The following KLHL29 variants were observed in gnomAD, a reference collection of about 807,000 sequenced individuals.
KLHL29 encodes kelch-like protein 29.
KLHL29 carries 21 observed loss-of-function variants against 80.4 expected under a neutral mutation model. The ratio of observed to expected loss-of-function variants is 0.26; its 90% CI spans 0.19 to 0.38. The LOEUF (loss-of-function observed/expected upper bound fraction) is 0.38. Among genes scored for constraint, KLHL29 ranks in the 10% least tolerant of loss-of-function variants. The pLI is 1.00. For synonymous variants in KLHL29, 511 were observed against 526.8 expected (o/e 0.97, Z 0.41); for missense variants, 867 against 1,223.9 (o/e 0.71, Z 4.35).
intron 2 of KLHL29, among the ~76,000 whole-genome samples, chr2:23,526,634 G>A (rs1666329093): frequency 6.6e-6 from 1 of 152,174 alleles, no homozygotes; most frequent in Non-Finnish European, 1.5e-5. Flanking sequence ...TGGTCATAGA[G>A]CAGCAGCAGC....
rs1668373141 is a variant in KLHL29, at chr2:23,595,505, C to T, written c.285+33024C>T. Among the ~76,000 whole-genome samples the T allele has an allele frequency of 2.6e-5, 4 of 152,364 alleles. No individual in the cohort carries two copies. In the South Asian group the frequency reaches 8.3e-4, roughly 32 times the overall value. On this transcript the variant is annotated intron_variant, in intron 3 of 13. Transcript: ENST00000486442. ...GGCTTGGGAAGGTGGGCAGATGTCTCTGCACAGGCCTGGGGCTGGACACTG... is the reference window on the plus strand; with the variant it reads ...GGCTTGGGAAGGTGGGCAGATGTCTTTGCACAGGCCTGGGGCTGGACACTG...
intron 3 of KLHL29, among the ~76,000 whole-genome samples, chr2:23,624,494 C>A (rs866568721): frequency 2.0e-5 from 3 of 152,208 alleles, no homozygotes; most frequent in African/African-American, 4.8e-5. Context: ...TTGCCCCTCA[C>A]TATCTGTATC....
At chr2:23,419,498 G>A (rs1163297707) in intron 1 of KLHL29, among the ~76,000 whole-genome samples, 8 of 152,186 alleles carry the variant, frequency 5.3e-5, no homozygotes, top group Non-Finnish European at 8.8e-5. Flanking sequence ...TTTCCTCCTT[G>A]TCCCTGTCTC....
chr2:23,480,676 A>G (rs1299454475), intron 2 of KLHL29, among the ~76,000 whole-genome samples: 1 of 152,214 alleles, frequency 6.6e-6, no homozygotes, highest in South Asian at 2.1e-4. Flanking sequence ...TTGCAAAACA[A>G]TATTCCTGGA....
intron 2 of KLHL29, among the ~76,000 whole-genome samples, chr2:23,509,832 T>TGAATTTTGACA (rs1310081731): frequency 6.6e-6 from 1 of 152,178 alleles, no homozygotes; most frequent in Non-Finnish European, 1.5e-5. Flanking sequence ...GGCTGGGTGC[T>TGAATTTTGACA]GCTTTTGACA....
intron 3 of KLHL29, among the ~76,000 whole-genome samples, chr2:23,633,026 G>A (rs1480860931): frequency 5.3e-5 from 8 of 152,234 alleles, no homozygotes; most frequent in African/African-American, 1.9e-4. Context: ...GAGGGCCAGC[G>A]CCCGTGAGCA....
At chr2:23,576,953 G>A (rs2103506390) in intron 3 of KLHL29, among the ~76,000 whole-genome samples, 1 of 152,288 alleles carries the variant, frequency 6.6e-6, no homozygotes, top group South Asian at 2.1e-4. Flanking sequence ...GTCCCTGGTG[G>A]AAGAGCCAGG....
Position 23,409,779 on chromosome 2 carries a change from G to GT in KLHL29, c.-154+24002dup, listed in dbSNP as rs1435420712. ...TTACAGTCTAGTGGGGGAGACAGAT[G>GT]TTTATCAGATAGTGCAAAAGGCAAT... On this transcript the variant is annotated intron_variant, in intron 1 of 13. Coordinates refer to ENST00000486442, the MANE Select transcript of KLHL29 (RefSeq NM_052920.2). Among the ~76,000 whole-genome samples, 6 of 152,232 alleles carry GT rather than the reference G, an allele frequency of 3.9e-5. 1 individual carries two copies.
intron 11 of KLHL29, among the ~76,000 whole-genome samples, chr2:23,699,025 CACTT>C (rs955272023): frequency 3.9e-5 from 6 of 152,230 alleles, no homozygotes; most frequent in African/African-American, 1.2e-4. Flanking sequence ...TCCAAAAAGA[CACTT>C]ACTCCATTGC....
chr2:23,395,740 G>A (rs1195543978), intron 1 of KLHL29, among the ~76,000 whole-genome samples: 3 of 148,206 alleles, frequency 2.0e-5, no homozygotes, highest in Admixed American at 6.7e-5. Context: ...GTGAGACTCC[G>A]TCTCAAAAAA....
At chr2:23,439,919 TC>T (rs1663462870) in intron 1 of KLHL29, among the ~76,000 whole-genome samples, 1 of 151,826 alleles carries the variant, frequency 6.6e-6, no homozygotes, top group Non-Finnish European at 1.5e-5. Flanking sequence ...GGTGTTAAAG[TC>T]TCCCATTATT....
intron 1 of KLHL29, among the ~76,000 whole-genome samples, chr2:23,454,156 G>T (rs1487569576): frequency 6.6e-6 from 1 of 152,124 alleles, no homozygotes; most frequent in Non-Finnish European, 1.5e-5. Context: ...ATACACATTC[G>T]ATTGAGTCAG....
At position 23,636,883 on chromosome 2, in the gene KLHL29, TCTC is replaced by T. The variant is rs566047611; in HGVS notation, c.286-2253_286-2251del. Among the ~76,000 whole-genome samples the T allele has an allele frequency of 2.0e-5, 3 of 152,190 alleles. No individual in the cohort carries two copies. The South Asian group carries it at 6.2e-4, about 32-fold the overall frequency. ...CAAACTCGAGGAGACCCCAACCTCCTCTCCTGGAGGCAGGGGCTGCTCCAGGGC... is the reference window on the plus strand; with the variant it reads ...CAAACTCGAGGAGACCCCAACCTCCTCTGGAGGCAGGGGCTGCTCCAGGGC... On this transcript the variant is annotated intron_variant, in intron 3 of 13. Coordinates refer to ENST00000486442, the MANE Select transcript of KLHL29 (RefSeq NM_052920.2).
At chr2:23,454,539 T>C (rs976333406) in intron 1 of KLHL29, among the ~76,000 whole-genome samples, 3 of 152,246 alleles carry the variant, frequency 2.0e-5, no homozygotes, top group Non-Finnish European at 2.9e-5. Context: ...AACTTTGATA[T>C]ACATTCTTTA....
intron 1 of KLHL29, among the ~76,000 whole-genome samples, chr2:23,422,725 C>T (rs55875934): frequency 0.51 from 75,850 of 149,702 alleles, 20,889 homozygotes; most frequent in African/African-American, 0.76. Flanking sequence ...TGCAGGTGAG[C>T]GGGCAGTGCC....
intron 1 of KLHL29, among the ~76,000 whole-genome samples, chr2:23,412,558 C>T (rs2103396053): frequency 6.6e-6 from 1 of 152,256 alleles, no homozygotes; most frequent in South Asian, 2.1e-4. Context: ...GGGAGGACCC[C>T]AGGACCACTA....
intron 5 of KLHL29, among the ~76,000 whole-genome samples, chr2:23,664,502 C>T (rs377358019): frequency 6.6e-6 from 1 of 152,228 alleles, no homozygotes; most frequent in South Asian, 2.1e-4. Context: ...GGGGTCTCAA[C>T]TCTAGATCCT....
intron 2 of KLHL29, among the ~76,000 whole-genome samples, chr2:23,551,232 GT>G (rs1667114639): frequency 6.6e-6 from 1 of 152,110 alleles, no homozygotes; most frequent in African/African-American, 2.4e-5. Context: ...GTCATTTCCA[GT>G]ATCTTTTTTA....
intron 3 of KLHL29, among the ~76,000 whole-genome samples, chr2:23,612,049 G>C (rs143990430): frequency 6.6e-6 from 1 of 152,284 alleles, no homozygotes; most frequent in African/African-American, 2.4e-5. Flanking sequence ...AGAAAAAGAG[G>C]AGGAAGAAAC....
Sources: gnomAD v4.1 joint callset for allele counts (sites outside exome capture counted in the v4.1 genomes callset) on GRCh38, gnomAD v4.1.1 for gene constraint, MANE v1.5 for transcripts, NCBI Gene and HGNC (gene_info 2026-07-23, HGNC 2026-07-21) for gene names.